The following EML6 variants were observed in gnomAD, a reference collection of about 807,000 sequenced individuals.
EML6 encodes EMAP like 6.
In EML6, 154 loss-of-function variants were observed where a neutral mutation model predicts 240.1. The ratio of observed to expected loss-of-function variants is 0.64; its 90% CI spans 0.56 to 0.73. EML6 has a LOEUF of 0.73. EML6 is among the 30% of genes least tolerant of loss of function. EML6 has a pLI of 0.00. For missense variants in EML6, 2,964 were observed against 2,474.6 expected (o/e 1.20, Z -4.20); for synonymous variants, 1,148 against 899.0 (o/e 1.28, Z -4.95).
intron 17 of EML6, among the ~76,000 whole-genome samples, chr2:54,884,677 T>C (rs1339423226): frequency 2.0e-5 from 3 of 152,198 alleles, no homozygotes; most frequent in African/African-American, 7.2e-5. Flanking sequence ...AATATCACAA[T>C]GGCACTAAGA....
intron 2 of EML6, among the ~76,000 whole-genome samples, chr2:54,786,990 C>T (rs1669127904): frequency 6.6e-6 from 1 of 152,128 alleles, no homozygotes; most frequent in Non-Finnish European, 1.5e-5. Context: ...GATTATGGAT[C>T]TGGGAAGAGT....
At chr2:54,950,608 C>G (rs1465512812) in intron 29 of EML6, 42 bp from the exon 30 acceptor site, 1 of 1,548,194 alleles carries the variant, frequency 6.5e-7, no homozygotes, top group Admixed American at 2.0e-5. Flanking sequence ...GCTCTCCCTT[C>G]CTTCCTCTGA....
chr2:54,776,302 GT>G (rs1382010789), intron 2 of EML6, among the ~76,000 whole-genome samples: 4 of 152,120 alleles, frequency 2.6e-5, no homozygotes, highest in African/African-American at 7.2e-5. Context: ...CAAGAACTCT[GT>G]TAATCTAGGT....
At chr2:54,914,564 TAAGAG>T (rs1435572009) in intron 25 of EML6, among the ~76,000 whole-genome samples, 75 of 2,734 alleles carry the variant, frequency 0.027, no homozygotes, top group African/African-American at 0.074. Flanking sequence ...TCTGAAGAGT[TAAGAG>T]TTAATTTGTT....
At chr2:54,816,709 T>C (rs1459074734) in intron 3 of EML6, 78 bp from the exon 4 acceptor site, 3 of 1,128,628 alleles carry the variant, frequency 2.7e-6, no homozygotes, top group Middle Eastern at 3.9e-4. Flanking sequence ...TAACCCATAG[T>C]AAATAGTAAC....
chr2:54,812,856 T>A (rs1667917275), intron 2 of EML6, among the ~76,000 whole-genome samples: 1 of 151,660 alleles, frequency 6.6e-6, no homozygotes, highest in Non-Finnish European at 1.5e-5. Context: ...TAACAACATT[T>A]AAAAAAAAAT....
chr2:54,739,370 G>A (rs905233056), intron 2 of EML6, among the ~76,000 whole-genome samples: 1 of 152,174 alleles, frequency 6.6e-6, no homozygotes, highest in Non-Finnish European at 1.5e-5. Context: ...TCTATGGTTT[G>A]TTGATTACCT....
At chr2:54,744,685 G>A (rs1404199560) in intron 2 of EML6, among the ~76,000 whole-genome samples, 1 of 151,928 alleles carries the variant, frequency 6.6e-6, no homozygotes, top group African/African-American at 2.4e-5. Context: ...GAAGTTGTGG[G>A]TCAGTTAGGG....
At chr2:54,864,298 G>GC (rs1347047727) in intron 13 of EML6, among the ~76,000 whole-genome samples, 1 of 152,100 alleles carries the variant, frequency 6.6e-6, no homozygotes, top group Non-Finnish European at 1.5e-5. Context: ...GAGCTTGTTA[G>GC]CCCGGTTTTT....
rs541022303 is a variant in EML6, at chr2:54,953,390, G to A, written c.4313-593G>A. ...TGTCATTCTATCATGTTTGCTGATT[G>A]TATCTTGCCGAATTGCAGATACAAA... is the stretch of plus-strand genomic sequence containing the variant. On this transcript the variant is annotated intron_variant, in intron 31 of 41. Transcript: ENST00000356458. Among the ~76,000 whole-genome samples, 16 of 152,298 alleles carry A rather than the reference G, an allele frequency of 1.1e-4. No individual in the cohort carries two copies. The East Asian group carries it at 2.9e-3, about 28-fold the overall frequency.
chr2:54,750,169 G>A (rs543491623), intron 2 of EML6, among the ~76,000 whole-genome samples: 53 of 152,224 alleles, frequency 3.5e-4, no homozygotes, highest in Non-Finnish European at 6.2e-4. Flanking sequence ...TGCCCAGCCT[G>A]AGGGCCCGAT....
In EML6 at chr2:54,827,621, C is replaced by G; in HGVS notation, c.581C>G (p.Thr194Arg). Reference sequence around the variant, plus strand: ...GCAAAAAGAGGGATATTTGGCAAAACAGGGGATCTTCAGACCATCCTTTGC... The same window carrying G: ...GCAAAAAGAGGGATATTTGGCAAAAGAGGGGATCTTCAGACCATCCTTTGC... The part of the protein sequence containing the change: ...LTAKRGIFGK[T>R]GDLQTILCLA... Residue 194 changes from threonine to arginine, a missense_variant, in exon 6 of 42, where the codon ACA becomes AGA. Thr to Arg is a moderately conservative substitution (Grantham distance 71). Transcript: ENST00000356458. The G allele has an allele frequency of 1.3e-6, 2 of 1,551,694 alleles. No individual in the cohort carries two copies. Among genetic ancestry groups the G allele is most frequent in the Non-Finnish European group, 1.7e-6 (2 of 1,146,966 alleles).
intron 11 of EML6, among the ~76,000 whole-genome samples, chr2:54,856,323 T>C (rs917487321): frequency 5.9e-5 from 9 of 152,206 alleles, no homozygotes; most frequent in African/African-American, 2.2e-4. Context: ...CATGTCCTAA[T>C]AGCCTTGGTA....
intron 11 of EML6, 123 bp from the exon 12 acceptor site, chr2:54,859,411 C>A: frequency 2.7e-6 from 2 of 735,782 alleles, no homozygotes; most frequent in East Asian, 2.8e-5. Flanking sequence ...ATATGTAAGA[C>A]GGAACATCGT....
chr2:54,807,829 T>G (rs1043412025), intron 2 of EML6, among the ~76,000 whole-genome samples: 1 of 152,246 alleles, frequency 6.6e-6, no homozygotes, highest in Non-Finnish European at 1.5e-5. Context: ...CTTAATCAGT[T>G]TTTGGTGGCC....
At chr2:54,877,435 A>G (rs1671567564) in intron 16 of EML6, among the ~76,000 whole-genome samples, 1 of 146,096 alleles carries the variant, frequency 6.8e-6, no homozygotes, top group South Asian at 2.3e-4. Context: ...TACAAAGGAA[A>G]TGTGATAAGA....
intron 2 of EML6, among the ~76,000 whole-genome samples, chr2:54,764,030 G>A (rs547120813): frequency 1.4e-4 from 21 of 152,316 alleles, no homozygotes; most frequent in African/African-American, 3.8e-4. Context: ...CTTTTCCCTC[G>A]TTGACCTTCT....
At position 54,827,436 on chromosome 2, in the gene EML6, G is replaced by A. The variant is rs1668649684; in HGVS notation, c.526-130G>A. 5.5e-6 allele frequency: 4 copies of A among 724,172 alleles called. No homozygotes were observed. The Admixed American group carries it at 8.1e-5, about 15-fold the overall frequency. 44.9% of individuals were successfully genotyped at this position (724,172 alleles called of 1,614,324 possible). On this transcript the variant is annotated intron_variant, in intron 5 of 41. Coordinates refer to ENST00000356458, the MANE Select transcript of EML6 (RefSeq NM_001039753.4). ...TTACATGTTGTTATGTTACAGCAAA[G>A]CAAATTAACTTATTTGTGCCTAGCT...
intron 2 of EML6, among the ~76,000 whole-genome samples, chr2:54,788,473 C>A (rs1262360113): frequency 6.7e-6 from 1 of 150,308 alleles, no homozygotes; most frequent in Non-Finnish European, 1.5e-5. Flanking sequence ...AGGCGTCCAG[C>A]TGGGAAAAGA....
Sources: allele counts gnomAD v4.1 joint callset (sites outside exome capture counted in the v4.1 genomes callset), GRCh38; gene constraint gnomAD v4.1.1; transcripts MANE v1.5; gene names NCBI Gene and HGNC (gene_info 2026-07-23, HGNC 2026-07-21).